Variants in IPP observed in about 807,000 individuals in gnomAD.
IPP encodes intracisternal A particle-promoted polypeptide.
A neutral mutation model predicts 64.1 loss-of-function variants in IPP; 41 were observed. That is an observed-to-expected ratio of 0.64 (90% confidence interval 0.50 to 0.83). The LOEUF is 0.83. IPP is among the 40% of genes least tolerant of loss of function. The pLI is 0.00. For missense variants in IPP, 649 were observed against 703.0 expected (o/e 0.92, Z 0.87); for synonymous variants, 214 against 235.2 (o/e 0.91, Z 0.83).
chr1:45,717,425 A>AG (rs1645675759), intron 6 of IPP, among the ~76,000 whole-genome samples: 1 of 152,156 alleles, frequency 6.6e-6, no homozygotes, highest in African/African-American at 2.4e-5. Flanking sequence ...AAACCTAATC[A>AG]GAGTATACCG....
At chr1:45,695,313 C>G (rs756781507), downstream of IPP, among the ~76,000 whole-genome samples, 2 of 152,060 alleles carry the variant, frequency 1.3e-5, no homozygotes, top group Non-Finnish European at 2.9e-5. Context: ...TACAGTTGTG[C>G]ACCACTATGC....
chr1:45,741,006 A>C lies in IPP; in HGVS notation c.619T>G (p.Trp207Gly). Residue 207 changes from tryptophan (W) to glycine (G), a missense_variant, in exon 3 of 9, where the codon TGG (tryptophan) becomes GGG (glycine). Coordinates refer to ENST00000396478, the MANE Select transcript of IPP (RefSeq NM_005897.3). ...CTTTTTCCCAAATCTTTCAGAATCCATTGCATTGCAGCTAAGAAGACCTGG... is the reference window on the plus strand; with the variant it reads ...CTTTTTCCCAAATCTTTCAGAATCCCTTGCATTGCAGCTAAGAAGACCTGG... ...EYQVFLAAMQ[W>G]ILKDLGKRRK... is the part of the protein sequence containing the mutation. The C allele has an allele frequency of 6.2e-7, 1 of 1,613,984 alleles. No individual in the cohort carries two copies.
Position 45,699,875 on chromosome 1 carries a change from G to C in IPP, c.*91C>G. 1.3e-6 allele frequency: 2 copies of C among 1,542,588 alleles called. No individual in the cohort carries two copies. Among genetic ancestry groups the C allele is most frequent in the Non-Finnish European group, 1.7e-6 (2 of 1,147,184 alleles). ...AATACATGGAAAACTCACAGAATCA[G>C]AGGGTCTTATCACCAAATCTATGTT... On this transcript the variant is annotated 3_prime_UTR_variant, in exon 9 of 9. Coordinates refer to ENST00000396478, the MANE Select transcript of IPP (RefSeq NM_005897.3).
chr1:45,721,640 T>C (rs1645732266), intron 5 of IPP, among the ~76,000 whole-genome samples: 1 of 152,264 alleles, frequency 6.6e-6, no homozygotes, highest in Non-Finnish European at 1.5e-5. Context: ...AATTACATGC[T>C]AAACCTTTTA....
chr1:45,748,447 C>T (rs1015776763), intron 1 of IPP, among the ~76,000 whole-genome samples: 9 of 152,108 alleles, frequency 5.9e-5, no homozygotes, highest in African/African-American at 9.7e-5. Context: ...GCAGGCAGAT[C>T]GCTTGAGTCC....
At chr1:45,718,491 C>T (rs1321443751) in intron 6 of IPP, among the ~76,000 whole-genome samples, 4 of 152,214 alleles carry the variant, frequency 2.6e-5, no homozygotes, top group Non-Finnish European at 5.9e-5. Context: ...CAACAAGGCT[C>T]TGCCCTGCAG....
chr1:45,715,896 T>C (rs1456697388), intron 7 of IPP, among the ~76,000 whole-genome samples: 1 of 152,134 alleles, frequency 6.6e-6, no homozygotes, highest in East Asian at 1.9e-4. Flanking sequence ...AACAGTAAGA[T>C]ATAGTCTGCA....
In IPP at chr1:45,730,584, T is replaced by C. The variant is rs1645893507; in HGVS notation, c.725-815A>G. 1.3e-5 allele frequency among the ~76,000 whole-genome samples: 2 copies of C among 152,142 alleles called. 1 individual carries two copies. Among genetic ancestry groups the C allele is most frequent in the South Asian group, 4.1e-4 (2 of 4,828 alleles). On this transcript the variant is annotated intron_variant, in intron 3 of 8. Transcript: ENST00000396478. ...TAAAAGGATTATGCATATGATGAGG[T>C]AGGTTGTCCTTGCTCAAGCATGCTT...
At chr1:45,732,379 A>C (rs952400578) in intron 3 of IPP, among the ~76,000 whole-genome samples, 1 of 150,886 alleles carries the variant, frequency 6.6e-6, no homozygotes, top group Non-Finnish European at 1.5e-5. Flanking sequence ...AAAAAAAAAA[A>C]ACACAAAAAA....
chr1:45,725,161 G>T (rs1219454418), intron 5 of IPP, among the ~76,000 whole-genome samples: 1 of 130,756 alleles, frequency 7.6e-6, no homozygotes, highest in Non-Finnish European at 1.7e-5. Context: ...CGGGAGTGGG[G>T]TGGGGGGTCA....
intron 3 of IPP, among the ~76,000 whole-genome samples, chr1:45,735,667 G>C (rs1473075943): frequency 2.8e-5 from 3 of 109,020 alleles, no homozygotes; most frequent in South Asian, 3.0e-4. Context: ...GTCTTGCTCT[G>C]TCGCCAGGCT....
intron 3 of IPP, among the ~76,000 whole-genome samples, chr1:45,732,234 A>T (rs1446754210): frequency 2.0e-5 from 3 of 151,608 alleles, no homozygotes; most frequent in African/African-American, 7.3e-5. Context: ...TGTGGTGGGC[A>T]CATGTAATCC....
At chr1:45,746,508 A>G (rs1646136997) in intron 1 of IPP, 47 bp from the exon 2 acceptor site, 1 of 822,168 alleles carries the variant, frequency 1.2e-6, no homozygotes. Context: ...TTTTTTTAAC[A>G]TGCTTTCTAT....
rs146332127 is a variant in IPP at position 45,719,103 on chromosome 1, T to C, written c.1186+100A>G. On this transcript the variant is annotated intron_variant, in intron 6 of 8. Transcript: ENST00000396478. ...TTACGCATTATGTGCCTGTATCTCA[T>C]GTGCCCCATAAATATATATACCTAT... 10 of 1,086,276 alleles carry C rather than the reference T, an allele frequency of 9.2e-6. No individual in the cohort carries two copies. In the East Asian group the frequency reaches 2.6e-4, roughly 28 times the overall value. The allele number at this position is 1,086,276 out of a possible 1,614,324, so 67.3% of individuals were successfully genotyped here.
At chr1:45,709,367 A>G (rs1480363057) in intron 8 of IPP, among the ~76,000 whole-genome samples, 2 of 146,972 alleles carry the variant, frequency 1.4e-5, no homozygotes, top group Admixed American at 6.9e-5. Flanking sequence ...CGGGAAGCAG[A>G]ACTTGCACTG....
At chr1:45,728,435 G>A (rs1485799680) in intron 4 of IPP, among the ~76,000 whole-genome samples, 1 of 151,724 alleles carries the variant, frequency 6.6e-6, no homozygotes, top group Non-Finnish European at 1.5e-5. Flanking sequence ...TACAGATCTG[G>A]ACTATATGTA....
intron 5 of IPP, among the ~76,000 whole-genome samples, chr1:45,724,889 G>A (rs1189986755): frequency 6.8e-6 from 1 of 146,852 alleles, no homozygotes; most frequent in Non-Finnish European, 1.5e-5. Flanking sequence ...GAGGGAGGTG[G>A]GGGGGGTCAG....
At chr1:45,746,077 T>A in intron 2 of IPP, 43 bp downstream of exon 2, 1 of 1,502,568 alleles carries the variant, frequency 6.7e-7, no homozygotes, top group South Asian at 1.2e-5. Flanking sequence ...GCATGAGTGA[T>A]TGAATCATTC....
chr1:45,723,243 A>G (rs931631722), intron 5 of IPP, among the ~76,000 whole-genome samples: 1 of 152,218 alleles, frequency 6.6e-6, no homozygotes, highest in Non-Finnish European at 1.5e-5. Context: ...GGCATAAGGG[A>G]TTTAAAATTT....
Sources: allele counts gnomAD v4.1 joint callset (sites outside exome capture counted in the v4.1 genomes callset), GRCh38; gene constraint gnomAD v4.1.1; transcripts MANE v1.5; gene names NCBI Gene and HGNC (gene_info 2026-07-23, HGNC 2026-07-21).